Variants in SCHIP1 observed in about 807,000 individuals in gnomAD.
SCHIP1 encodes schwannomin interacting protein 1, also known as schwannomin-interacting protein 1.
Under a neutral mutation model 29.7 loss-of-function variants are expected in SCHIP1, and 8 were observed. The observed-to-expected ratio is 0.27, with a 90% confidence interval of 0.16 to 0.49. The LOEUF is 0.49. SCHIP1 is among the 20% of genes least tolerant of loss of function. The probability of loss-of-function intolerance (pLI) is 0.99; values close to 1 mark genes in which losing one functional copy is unlikely to be tolerated. For synonymous variants in SCHIP1, 76 were observed against 94.9 expected, an observed-to-expected ratio of 0.80 and a Z score of 1.16; for missense variants, 193 against 294.6, an observed-to-expected ratio of 0.66 and a Z score of 2.52.
the SCHIP1 span, among the ~76,000 whole-genome samples, chr3:159,433,254 T>C: frequency 1.3e-4 from 20 of 152,292 alleles, no homozygotes; most frequent in African/African-American, 4.8e-4. Flanking sequence ...GGGAAGCGTC[T>C]TTAAACTCAT....
intron 2 of SCHIP1, among the ~76,000 whole-genome samples, chr3:159,882,542 G>A (rs767228059): frequency 2.6e-5 from 4 of 152,114 alleles, no homozygotes; most frequent in Non-Finnish European, 5.9e-5. Flanking sequence ...AAGAACAAAG[G>A]CCCAATTCAT....
At chr3:159,293,105 C>T in the SCHIP1 span, among the ~76,000 whole-genome samples, 2 of 152,192 alleles carry the variant, frequency 1.3e-5, no homozygotes, top group Non-Finnish European at 2.9e-5. Flanking sequence ...ATCAGGGTCA[C>T]ATGATAACCA....
chr3:159,657,325 C>T, the SCHIP1 span, among the ~76,000 whole-genome samples: 1 of 152,200 alleles, frequency 6.6e-6, no homozygotes, highest in African/African-American at 2.4e-5. Context: ...ATGGCTCTCT[C>T]TGGACTTGTG....
chr3:159,753,098 T>C, the SCHIP1 span, among the ~76,000 whole-genome samples: 1 of 152,170 alleles, frequency 6.6e-6, no homozygotes, highest in Non-Finnish European at 1.5e-5. Context: ...TCATGCTTCT[T>C]CTCCTAGTTC....
chr3:159,332,693 G>A, the SCHIP1 span, among the ~76,000 whole-genome samples: 1 of 152,108 alleles, frequency 6.6e-6, no homozygotes, highest in African/African-American at 2.4e-5. Context: ...TGGTTAGTTT[G>A]TGATGCATCT....
chr3:159,461,016 G>A, the SCHIP1 span, among the ~76,000 whole-genome samples: 1 of 152,074 alleles, frequency 6.6e-6, no homozygotes. Flanking sequence ...GGAAGTTCGT[G>A]GAACTTGAGG....
At chr3:159,595,497 G>A in the SCHIP1 span, among the ~76,000 whole-genome samples, 1 of 152,072 alleles carries the variant, frequency 6.6e-6, no homozygotes, top group South Asian at 2.1e-4. Flanking sequence ...ACCAAGGCCT[G>A]CCTCTGAAGA....
At chr3:159,784,268 C>T in the SCHIP1 span, among the ~76,000 whole-genome samples, 1 of 152,350 alleles carries the variant, frequency 6.6e-6, no homozygotes, top group Non-Finnish European at 1.5e-5. Context: ...CAAGTCTACA[C>T]CTGTTCATCT....
the SCHIP1 span, among the ~76,000 whole-genome samples, chr3:159,620,269 T>TGTATC: frequency 1.3e-5 from 2 of 152,240 alleles, no homozygotes; most frequent in African/African-American, 4.8e-5. Flanking sequence ...AATACTAAAA[T>TGTATC]GTATCTCTGA....
chr3:159,410,643 T>C, the SCHIP1 span, among the ~76,000 whole-genome samples: 1 of 152,100 alleles, frequency 6.6e-6, no homozygotes, highest in Admixed American at 6.6e-5. Context: ...GGGGAGGATA[T>C]GGAGAAAAAA....
chr3:159,406,244 A>G, the SCHIP1 span, among the ~76,000 whole-genome samples: 6 of 152,260 alleles, frequency 3.9e-5, no homozygotes, highest in South Asian at 6.2e-4. Flanking sequence ...AACGAATAAC[A>G]TACAACGAGC....
the SCHIP1 span, among the ~76,000 whole-genome samples, chr3:159,313,240 A>G: frequency 6.6e-6 from 1 of 152,218 alleles, no homozygotes; most frequent in Non-Finnish European, 1.5e-5. Flanking sequence ...TTCTGAAGCA[A>G]GATACGCAGG....
the SCHIP1 span, among the ~76,000 whole-genome samples, chr3:159,515,086 C>A: frequency 1.3e-5 from 2 of 152,104 alleles, no homozygotes; most frequent in African/African-American, 4.8e-5. Context: ...ACACTGTGAC[C>A]CTGTTTTAAT....
At chr3:159,714,625 G>A in the SCHIP1 span, among the ~76,000 whole-genome samples, 14 of 152,296 alleles carry the variant, frequency 9.2e-5, no homozygotes, top group East Asian at 1.9e-4. Context: ...AGGGTCCTAC[G>A]CCCACGGAGC....
chr3:159,686,496 G>A, the SCHIP1 span, among the ~76,000 whole-genome samples: 1 of 152,146 alleles, frequency 6.6e-6, no homozygotes, highest in Admixed American at 6.6e-5. Context: ...GCAAGAACCA[G>A]CAGACAGCAG....
chr3:159,887,593 G>GTA, intron 3 of SCHIP1, 115 bp from the exon 5 acceptor site: 1 of 1,127,926 alleles, frequency 8.9e-7, no homozygotes, highest in Admixed American at 2.2e-5. Flanking sequence ...GTCACATTGA[G>GTA]GGAGGGAACT....
the SCHIP1 span, among the ~76,000 whole-genome samples, chr3:159,451,158 T>C: frequency 6.6e-6 from 1 of 152,202 alleles, no homozygotes; most frequent in Non-Finnish European, 1.5e-5. Context: ...TCCTACTAAT[T>C]CACTGTAATA....
At chr3:159,303,934 C>T in the SCHIP1 span, among the ~76,000 whole-genome samples, 8 of 151,978 alleles carry the variant, frequency 5.3e-5, no homozygotes, top group Non-Finnish European at 1.2e-4. Flanking sequence ...CGTATGTATA[C>T]ATGTGCCACG....
chr3:159,429,873 G>C, the SCHIP1 span, among the ~76,000 whole-genome samples: 12 of 152,256 alleles, frequency 7.9e-5, no homozygotes, highest in African/African-American at 2.9e-4. Flanking sequence ...TGGATTCGTT[G>C]TTGGATTTAT....
Sources: allele counts gnomAD v4.1 joint callset (sites outside exome capture counted in the v4.1 genomes callset), GRCh38; gene constraint gnomAD v4.1.1; transcripts MANE v1.5; gene names NCBI Gene and HGNC (gene_info 2026-07-23, HGNC 2026-07-21).